Variants in KCNMB2 observed in about 807,000 individuals in gnomAD.
KCNMB2 encodes potassium calcium-activated channel subfamily M regulatory beta subunit 2, also known as calcium-activated potassium channel subunit beta-2.
KCNMB2 carries 9 observed loss-of-function variants against 24.5 expected under a neutral mutation model. The ratio of observed to expected loss-of-function variants is 0.37; its 90% CI spans 0.22 to 0.64. The LOEUF (loss-of-function observed/expected upper bound fraction) is 0.64. Among genes scored for constraint, KCNMB2 ranks in the 30% least tolerant of loss-of-function variants. The pLI, the probability that KCNMB2 is intolerant of heterozygous loss-of-function variation, is 0.63. For synonymous variants in KCNMB2, 109 were observed against 104.4 expected, an observed-to-expected ratio of 1.04 and a Z score of -0.27; for missense variants, 226 against 284.3, an observed-to-expected ratio of 0.79 and a Z score of 1.47.
intron 1 of KCNMB2, chr3:178,748,986 T>A (rs560638337): frequency 6.6e-6 from 1 of 152,312 alleles, no homozygotes; most frequent in Admixed American, 6.5e-5. Context: ...TGGCTTGTAA[T>A]CTCAAGGAGA....
At chr3:178,594,184 C>T (rs574178170) in intron 1 of KCNMB2, among the ~76,000 whole-genome samples, 1 of 151,804 alleles carries the variant, frequency 6.6e-6, no homozygotes, top group Non-Finnish European at 1.5e-5. Context: ...TCATGTAGGA[C>T]CTTATGCTTT....
rs138428321 is a variant in KCNMB2 at position 178,544,086 on chromosome 3, T to C, written c.-68+7375T>C. 7.2e-4 allele frequency among the ~76,000 whole-genome samples: 109 copies of C among 152,306 alleles called. 2 individuals are homozygous for C. The East Asian group carries it at 0.015, about 21-fold the overall frequency. ...GGCAGTAGTTAATGCTCAATAAGTG[T>C]TTCTTGAAAGAACAAATCAATCATA... is the stretch of plus-strand genomic sequence containing the variant. On this transcript the variant is annotated intron_variant, in intron 1 of 4. Coordinates refer to ENST00000452583, the MANE Select transcript of KCNMB2 (RefSeq NM_181361.3).
At chr3:178,775,594 C>T (rs546624853) in intron 1 of KCNMB2, among the ~76,000 whole-genome samples, 2 of 152,272 alleles carry the variant, frequency 1.3e-5, no homozygotes, top group Admixed American at 1.3e-4. Context: ...CTCAGATATA[C>T]TATGCAAAAC....
chr3:178,617,183 G>T (rs761292641), intron 1 of KCNMB2, among the ~76,000 whole-genome samples: 1 of 152,040 alleles, frequency 6.6e-6, no homozygotes, highest in Admixed American at 6.6e-5. Flanking sequence ...TGAAATATTT[G>T]CTTCTAATTA....
At chr3:178,583,260 G>C (rs955758558) in intron 1 of KCNMB2, among the ~76,000 whole-genome samples, 1 of 152,116 alleles carries the variant, frequency 6.6e-6, no homozygotes, top group Non-Finnish European at 1.5e-5. Context: ...ATATTTGGCT[G>C]TTTAAAGTAT....
intron 4 of KCNMB2, among the ~76,000 whole-genome samples, chr3:178,833,038 G>GCCC (rs1314163726): frequency 1.6e-4 from 23 of 142,448 alleles, no homozygotes; most frequent in South Asian, 4.5e-4. Flanking sequence ...ATGTTACAAT[G>GCCC]TCATCTTTTC....
intron 1 of KCNMB2, among the ~76,000 whole-genome samples, chr3:178,695,589 CA>C (rs1460566748): frequency 3.3e-5 from 5 of 152,110 alleles, no homozygotes; most frequent in Non-Finnish European, 5.9e-5. Context: ...ATCTCTAGGT[CA>C]GGGGTAAAAA....
At chr3:178,608,259 T>C (rs1405224191) in intron 1 of KCNMB2, among the ~76,000 whole-genome samples, 5 of 152,230 alleles carry the variant, frequency 3.3e-5, no homozygotes, top group African/African-American at 4.8e-5. Flanking sequence ...ATTTTACCCA[T>C]AGGCTGGCAA....
intron 1 of KCNMB2, among the ~76,000 whole-genome samples, chr3:178,685,180 G>A (rs910391922): frequency 6.6e-6 from 1 of 152,176 alleles, no homozygotes; most frequent in East Asian, 1.9e-4. Context: ...ACAAGCAAGG[G>A]CTCTGAAGTG....
At chr3:178,655,153 T>C (rs1720289128) in intron 1 of KCNMB2, among the ~76,000 whole-genome samples, 1 of 150,912 alleles carries the variant, frequency 6.6e-6, no homozygotes, top group Non-Finnish European at 1.5e-5. Flanking sequence ...TATCTCTATT[T>C]CTCTGGGACT....
intron 1 of KCNMB2, among the ~76,000 whole-genome samples, chr3:178,586,377 G>A (rs1180296193): frequency 1.3e-5 from 2 of 152,030 alleles, no homozygotes; most frequent in African/African-American, 4.8e-5. Context: ...AGCACGTCAG[G>A]AAGTCTAAAG....
intron 1 of KCNMB2, among the ~76,000 whole-genome samples, chr3:178,688,727 A>T (rs190653802): frequency 2.0e-5 from 3 of 152,274 alleles, no homozygotes; most frequent in Non-Finnish European, 4.4e-5. Context: ...TCAAATTTAA[A>T]GTTTTTGTGA....
chr3:178,540,307 C>A (rs1239554843), intron 1 of KCNMB2, among the ~76,000 whole-genome samples: 1 of 152,192 alleles, frequency 6.6e-6, no homozygotes, highest in African/African-American at 2.4e-5. Context: ...CAAGTCACTA[C>A]CAACTCTCAC....
rs141826562 is a variant in KCNMB2, at chr3:178,803,340, T to C, written c.-67-4003T>C. 4.6e-5 allele frequency among the ~76,000 whole-genome samples: 7 copies of C among 151,834 alleles called. No homozygotes were observed. The East Asian group carries it at 1.4e-3, about 29-fold the overall frequency. On this transcript the variant is annotated intron_variant, in intron 1 of 4. Transcript: ENST00000452583. ...AACAGAAATTTTCTGTCCAAGCCAA[T>C]GAAAGGGATAGATGGAGCTGGACAA...
chr3:178,757,991 ATATATATC>A (rs1724220164), intron 1 of KCNMB2, among the ~76,000 whole-genome samples: 2 of 2,952 alleles, frequency 6.8e-4, no homozygotes, highest in Non-Finnish European at 9.4e-4. Flanking sequence ...GAGGATATAT[ATATATATC>A]TAGATATATA....
At chr3:178,800,683 C>T (rs1713740308) in intron 1 of KCNMB2, among the ~76,000 whole-genome samples, 1 of 151,942 alleles carries the variant, frequency 6.6e-6, no homozygotes, top group South Asian at 2.1e-4. Context: ...CTAGATAAAC[C>T]CAAAAGAATG....
At chr3:178,682,245 A>C (rs1227284073) in intron 1 of KCNMB2, among the ~76,000 whole-genome samples, 3 of 152,204 alleles carry the variant, frequency 2.0e-5, no homozygotes, top group Admixed American at 6.5e-5. Flanking sequence ...AATACAAGGA[A>C]TACTTACATA....
At chr3:178,746,136 G>A (rs372912995) in intron 1 of KCNMB2, among the ~76,000 whole-genome samples, 2 of 152,186 alleles carry the variant, frequency 1.3e-5, no homozygotes, top group South Asian at 4.1e-4. Flanking sequence ...GGTTCTCCAT[G>A]AAAGCCCCAC....
chr3:178,547,799 C>A (rs114915166), intron 1 of KCNMB2, among the ~76,000 whole-genome samples: 1,708 of 152,284 alleles, frequency 0.011, 26 homozygotes, highest in African/African-American at 0.04. Context: ...CTCTTCCAAC[C>A]CAAGTCCTGT....
Sources: allele counts gnomAD v4.1 joint callset (sites outside exome capture counted in the v4.1 genomes callset), GRCh38; gene constraint gnomAD v4.1.1; transcripts MANE v1.5; gene names NCBI Gene and HGNC (gene_info 2026-07-23, HGNC 2026-07-21).